MYO18B: variants seen among roughly 807,000 people sequenced by gnomAD.
MYO18B encodes the protein unconventional myosin-XVIIIb.
Under a neutral mutation model 273.0 loss-of-function variants are expected in MYO18B, and 204 were observed. The ratio of observed to expected loss-of-function variants is 0.75; its 90% confidence interval spans 0.67 to 0.84. The LOEUF (loss-of-function observed/expected upper bound fraction) is 0.84, where lower values mean the gene tolerates loss of function less well. Among genes scored for constraint, MYO18B ranks in the 40% least tolerant of loss-of-function variants. The pLI is 0.00. For synonymous variants in MYO18B, 1,330 were observed against 1,305.7 expected (o/e 1.02, Z -0.40); for missense variants, 3,212 against 3,287.6 (o/e 0.98, Z 0.56).
At chr22:25,761,155 C>T in intron 2 of MYO18B, 24 bp downstream of exon 2, 1 of 1,611,786 alleles carries the variant, frequency 6.2e-7, no homozygotes, top group Middle Eastern at 1.6e-4. Flanking sequence ...ATGGCTGGGG[C>T]TGCAGCCATC....
chr22:25,819,685 G>A (rs898222020), intron 12 of MYO18B, among the ~76,000 whole-genome samples: 2 of 152,170 alleles, frequency 1.3e-5, no homozygotes, highest in African/African-American at 4.8e-5. Flanking sequence ...TCTGTTTACA[G>A]TGTATTTAAG....
chr22:26,042,215 C>G, the MYO18B span, among the ~76,000 whole-genome samples: 2 of 152,204 alleles, frequency 1.3e-5, no homozygotes, highest in Non-Finnish European at 2.9e-5. Flanking sequence ...GTGTAACTCA[C>G]CTGGGACACT....
chr22:25,874,557 A>G, intron 23 of MYO18B, 143 bp downstream of exon 23: 4 of 1,042,756 alleles, frequency 3.8e-6, no homozygotes, highest in Non-Finnish European at 5.5e-6. Flanking sequence ...GCTTTGCAAG[A>G]TGTTATGACT....
chr22:25,750,446 T>C (rs981233751), intron 1 of MYO18B, among the ~76,000 whole-genome samples: 2 of 152,144 alleles, frequency 1.3e-5, no homozygotes, highest in Non-Finnish European at 2.9e-5. Context: ...GTGTCTTCAG[T>C]TCTCCAGCAT....
intron 42 of MYO18B, among the ~76,000 whole-genome samples, chr22:26,017,146 C>T (rs1841966594): frequency 1.4e-5 from 2 of 147,016 alleles, no homozygotes; most frequent in African/African-American, 2.5e-5. Flanking sequence ...CCACTCCCTC[C>T]CTCCCTCCTT....
Position 25,952,294 on chromosome 22 carries a change from G to A in MYO18B, c.5841G>A (p.Val1947=). 1.2e-6 allele frequency: 2 copies of A among 1,609,812 alleles called. No homozygotes were observed. Among genetic ancestry groups the A allele is most frequent in the East Asian group, 2.2e-5 (1 of 44,788 alleles). Residue 1947 remains valine, a synonymous_variant, in exon 38 of 44, where the codon GTG becomes GTA. Coordinates refer to ENST00000335473, the MANE Select transcript of MYO18B (RefSeq NM_032608.7). The stretch of plus-strand genomic sequence containing the variant: ...TTCTCTCATACTTACAGCTGCAGGT[G>A]GCTCAGATGCGCATCGAGTACCTGG... ...EKHKLQEQLQ[V]AQMRIEYLEQ...
chr22:25,754,945 G>C (rs953115431), intron 1 of MYO18B, among the ~76,000 whole-genome samples: 1 of 152,218 alleles, frequency 6.6e-6, no homozygotes, highest in Non-Finnish European at 1.5e-5. Context: ...GGTGATTCTT[G>C]GGAAGCGGCT....
chr22:25,863,099 G>A (rs2090786512), intron 21 of MYO18B, among the ~76,000 whole-genome samples: 1 of 152,100 alleles, frequency 6.6e-6, no homozygotes, highest in African/African-American at 2.4e-5. Context: ...CTGTTGTTGA[G>A]TCCCTTTGGT....
intron 34 of MYO18B, among the ~76,000 whole-genome samples, chr22:25,940,935 C>T (rs1237671467): frequency 6.6e-6 from 1 of 152,208 alleles, no homozygotes; most frequent in Non-Finnish European, 1.5e-5. Flanking sequence ...ATGAAGCCCT[C>T]CGTAGATGCC....
rs936191073 is a variant in MYO18B at position 25,755,766 on chromosome 22, CCTCT to C, written c.-109-5214_-109-5211del. Among the ~76,000 whole-genome samples, 4 of 152,288 alleles carry C rather than the reference CCTCT, an allele frequency of 2.6e-5. No individual in the cohort carries two copies. In the East Asian group the frequency reaches 7.7e-4, roughly 29 times the overall value. ...TCCTCCCTCTCTCTGTCTCTCGCTC[CCTCT>C]CTCATCACGTGATGCCAGCTCCCCT... On this transcript the variant is annotated intron_variant, in intron 1 of 43. Coordinates refer to ENST00000335473, the MANE Select transcript of MYO18B (RefSeq NM_032608.7).
At position 25,768,748 on chromosome 22, in the gene MYO18B, C is replaced by T. The variant is rs758073166; in HGVS notation, c.832C>T (p.Arg278Ter). ...PQAQGPGEGV[R>*]PGKAEKEGAE... ...AGCCCAAGGGCCCGGCGAGGGGGTG[C>T]GACCAGGGAAAGCAGAGAAGGAGGG... Residue 278 changes from arginine (R) to a stop codon, truncating the protein, a stop_gained, in exon 4 of 44, where the codon CGA (arginine) becomes TGA (stop). Coordinates refer to ENST00000335473, the MANE Select transcript of MYO18B (RefSeq NM_032608.7). LOFTEE classifies it high-confidence loss of function. The T allele has an allele frequency of 9.4e-6, 15 of 1,603,444 alleles. No homozygotes were observed. The highest frequency in any genetic ancestry group is 2.2e-5 in the South Asian group (2 of 89,160).
chr22:26,000,032 C>G (rs1021302519), intron 40 of MYO18B, among the ~76,000 whole-genome samples: 1 of 152,200 alleles, frequency 6.6e-6, no homozygotes, highest in African/African-American at 2.4e-5. Flanking sequence ...GGGTCCCAGA[C>G]AGCTGTACCA....
chr22:25,813,569 C>G (rs1216845381), intron 12 of MYO18B, among the ~76,000 whole-genome samples: 1 of 152,146 alleles, frequency 6.6e-6, no homozygotes, highest in Non-Finnish European at 1.5e-5. Context: ...ATCTTGAAAA[C>G]AGAATAAATT....
rs561505727 is a variant in MYO18B, at chr22:25,819,947, C to T, written c.2522-3558C>T. Among the ~76,000 whole-genome samples, 140 of 147,476 alleles carry T rather than the reference C, an allele frequency of 9.5e-4. 1 individual carries two copies. In the South Asian group the frequency reaches 0.02, roughly 22 times the overall value. ...CAACTAATAAGTACTGAGCTTTTTC[C>T]ATGTGTCACTCCTGGAACAATAACC... On this transcript the variant is annotated intron_variant, in intron 12 of 43. Coordinates refer to ENST00000335473, the MANE Select transcript of MYO18B (RefSeq NM_032608.7).
chr22:25,953,791 T>C (rs1049429632), intron 38 of MYO18B, among the ~76,000 whole-genome samples: 1 of 152,118 alleles, frequency 6.6e-6, no homozygotes, highest in Non-Finnish European at 1.5e-5. Context: ...AATGGAAAAA[T>C]TCTATCTCCA....
At chr22:25,774,660 C>A (rs9624894) in intron 7 of MYO18B, among the ~76,000 whole-genome samples, 1 of 152,040 alleles carries the variant, frequency 6.6e-6, no homozygotes, top group African/African-American at 2.4e-5. Flanking sequence ...GTCCTTAGGC[C>A]GGATCAACCT....
rs867129257 is a variant in MYO18B at position 26,026,981 on chromosome 22, G to A, written c.7007G>A (p.Gly2336Asp). ...LKCISSDGVG[G>D]TTLLPEKSKT... ...TGCATCTCTTCAGACGGTGTTGGGGGCACAACCCTACTCCCCGAAAAGTCG... is the reference window on the plus strand; with the variant it reads ...TGCATCTCTTCAGACGGTGTTGGGGACACAACCCTACTCCCCGAAAAGTCG... The change falls in exon 43 of 44, where the codon GGC becomes GAC. Residue 2336 changes from glycine (G) to aspartate (D), a missense_variant. By Grantham distance (94) the Gly-to-Asp change is moderately conservative. Transcript: ENST00000335473. 16 of 1,613,728 alleles carry A rather than the reference G, an allele frequency of 9.9e-6. No homozygotes were observed. In the African/African-American group the frequency reaches 1.7e-4, roughly 18 times the overall value.
intron 21 of MYO18B, among the ~76,000 whole-genome samples, chr22:25,863,859 A>T (rs1289146113): frequency 2.6e-5 from 4 of 152,174 alleles, no homozygotes; most frequent in Non-Finnish European, 1.5e-5. Context: ...TCTTGTGTTT[A>T]GCCTGGAGCC....
chr22:25,745,385 C>T (rs1424641597), intron 1 of MYO18B, among the ~76,000 whole-genome samples: 1 of 152,050 alleles, frequency 6.6e-6, no homozygotes, highest in Non-Finnish European at 1.5e-5. Flanking sequence ...GTTGGGATTA[C>T]AGGCGTGGAA....
Sources: gnomAD v4.1 joint callset for allele counts (sites outside exome capture counted in the v4.1 genomes callset) on GRCh38, gnomAD v4.1.1 for gene constraint, MANE v1.5 for transcripts, NCBI Gene and HGNC (gene_info 2026-07-23, HGNC 2026-07-21) for gene names.